TMEM135: variants seen among roughly 807,000 people sequenced by gnomAD.
The protein encoded by TMEM135 is transmembrane protein 135.
In TMEM135, 30 loss-of-function variants were observed where a neutral mutation model predicts 60.3. The observed-to-expected ratio is 0.50, with a 90% confidence interval of 0.37 to 0.68. The LOEUF is 0.68. Among genes scored for constraint, TMEM135 ranks in the 30% least tolerant of loss-of-function variants. The pLI is 0.00. For missense variants in TMEM135, 468 were observed against 548.8 expected (o/e 0.85, Z 1.47); for synonymous variants, 190 against 186.7 (o/e 1.02, Z -0.14).
intron 1 of TMEM135, among the ~76,000 whole-genome samples, chr11:87,055,449 CTA>C (rs1404271364): frequency 6.6e-6 from 1 of 152,084 alleles, no homozygotes; most frequent in Non-Finnish European, 1.5e-5. Context: ...CTAGTAAAAT[CTA>C]TGTTTTAAAT....
intron 14 of TMEM135, 134 bp downstream of exon 14, chr11:87,319,511 G>GT: frequency 3.0e-6 from 2 of 666,832 alleles, no homozygotes; most frequent in South Asian, 1.9e-5. Context: ...AACATGGGGC[G>GT]TTTTTTGAGT....
intron 5 of TMEM135, among the ~76,000 whole-genome samples, chr11:87,222,199 A>AAAAG (rs1283224001): frequency 5.6e-5 from 8 of 143,368 alleles, no homozygotes; most frequent in African/African-American, 2.1e-4. Flanking sequence ...AAAAAAAAAA[A>AAAAG]AAAAAATTAT....
chr11:87,309,787 C>T, intron 10 of TMEM135, 115 bp downstream of exon 10: 2 of 1,105,718 alleles, frequency 1.8e-6, no homozygotes, highest in East Asian at 2.5e-5. Context: ...AATATTCATA[C>T]ATATCTTGAC....
chr11:87,091,331 T>G, intron 3 of TMEM135, 31 bp from the exon 4 acceptor site: 1 of 1,596,984 alleles, frequency 6.3e-7, no homozygotes, highest in South Asian at 1.1e-5. Context: ...CAAATTGAAG[T>G]TTAATATCTT....
chr11:87,144,630 T>A (rs1315662652), intron 4 of TMEM135, among the ~76,000 whole-genome samples: 1 of 152,168 alleles, frequency 6.6e-6, no homozygotes, highest in Non-Finnish European at 1.5e-5. Context: ...GTATTACCTT[T>A]AATCTTCTAG....
intron 5 of TMEM135, among the ~76,000 whole-genome samples, chr11:87,223,186 A>G (rs1272124621): frequency 1.5e-5 from 2 of 137,484 alleles, no homozygotes; most frequent in African/African-American, 5.2e-5. Context: ...TTTTTCTGAG[A>G]TGGAGTCTCG....
At chr11:87,164,744 A>G (rs1938992134) in intron 5 of TMEM135, among the ~76,000 whole-genome samples, 1 of 52,386 alleles carries the variant, frequency 1.9e-5, no homozygotes, top group African/African-American at 1.2e-4. Flanking sequence ...CTCCTTGAAG[A>G]GGTCCTTCAC....
chr11:87,318,667 A>G lies in TMEM135; in HGVS notation c.1176+432A>G, dbSNP rs532749797. 1.2e-4 allele frequency among the ~76,000 whole-genome samples: 18 copies of G among 152,204 alleles called. No individual in the cohort carries two copies. The East Asian group carries it at 2.9e-3, about 24-fold the overall frequency. ...ACTAGTTTCATATAAGCATTGTTCAATCTCTGAATTCTGTAACCATTATTA... is the reference window on the plus strand; with the variant it reads ...ACTAGTTTCATATAAGCATTGTTCAGTCTCTGAATTCTGTAACCATTATTA... On this transcript the variant is annotated intron_variant, in intron 13 of 14. Transcript: ENST00000305494.
rs866441345 is a variant in TMEM135 at position 87,165,843 on chromosome 11, G to A, written c.462+8437G>A. 2.2e-4 allele frequency among the ~76,000 whole-genome samples: 28 copies of A among 129,046 alleles called. 2 individuals are homozygous for A. The highest frequency in any genetic ancestry group is 8.4e-4 in the African/African-American group (28 of 33,324). The allele number at this position is 129,046 out of a possible 152,430, so 84.7% of individuals were successfully genotyped here. On this transcript the variant is annotated intron_variant, in intron 5 of 14. Coordinates refer to ENST00000305494, the MANE Select transcript of TMEM135 (RefSeq NM_022918.4). Reference sequence around the variant, plus strand: ...GATCAATAAAATTGATAGACCGCTAGTAAGACTAATAAAGAAAAAAGAGAG... The same window carrying A: ...GATCAATAAAATTGATAGACCGCTAATAAGACTAATAAAGAAAAAAGAGAG...
chr11:87,261,059 T>C (rs1004210776), intron 6 of TMEM135, among the ~76,000 whole-genome samples: 2 of 152,180 alleles, frequency 1.3e-5, no homozygotes, highest in African/African-American at 4.8e-5. Context: ...AGAATTTAAT[T>C]CCACTGCTTC....
chr11:87,229,808 C>T (rs1241533680), intron 5 of TMEM135, among the ~76,000 whole-genome samples: 1 of 152,110 alleles, frequency 6.6e-6, no homozygotes, highest in African/African-American at 2.4e-5. Context: ...TGTACATACT[C>T]ATACAACATT....
chr11:87,098,701 T>A (rs979698748), intron 4 of TMEM135, among the ~76,000 whole-genome samples: 32 of 151,806 alleles, frequency 2.1e-4, no homozygotes, highest in African/African-American at 3.1e-4. Flanking sequence ...ATATATATAT[T>A]TTTTTGAGAT....
chr11:87,278,377 C>T (rs1469021404), intron 6 of TMEM135, among the ~76,000 whole-genome samples: 2 of 134,514 alleles, frequency 1.5e-5, no homozygotes, highest in African/African-American at 5.5e-5. Context: ...GGCAAATTTT[C>T]GTTCTTTTTT....
chr11:87,311,900 G>C (rs949710382), intron 10 of TMEM135, among the ~76,000 whole-genome samples: 4 of 151,680 alleles, frequency 2.6e-5, no homozygotes, highest in African/African-American at 9.7e-5. Context: ...TATTAATATA[G>C]CTACTTCAAC....
At chr11:87,204,475 T>G (rs1940191725) in intron 5 of TMEM135, among the ~76,000 whole-genome samples, 1 of 152,192 alleles carries the variant, frequency 6.6e-6, no homozygotes, top group African/African-American at 2.4e-5. Context: ...AATTTGAGAA[T>G]AATTTTTGAC....
intron 6 of TMEM135, among the ~76,000 whole-genome samples, chr11:87,271,427 A>G (rs1941860001): frequency 6.6e-6 from 1 of 152,232 alleles, no homozygotes; most frequent in Non-Finnish European, 1.5e-5. Flanking sequence ...TGATTATGTA[A>G]AACAGCATTG....
intron 3 of TMEM135, among the ~76,000 whole-genome samples, chr11:87,071,841 C>T (rs1184079240): frequency 6.6e-6 from 1 of 151,828 alleles, no homozygotes. Context: ...GCAGTAATAG[C>T]CTCTGTTTAC....
chr11:87,263,521 T>C (rs922069692), intron 6 of TMEM135, among the ~76,000 whole-genome samples: 1 of 152,170 alleles, frequency 6.6e-6, no homozygotes, highest in African/African-American at 2.4e-5. Context: ...TTGACATATG[T>C]CTTGATTCTT....
chr11:87,184,033 A>G (rs954889513), intron 5 of TMEM135, among the ~76,000 whole-genome samples: 66 of 151,908 alleles, frequency 4.3e-4, no homozygotes, highest in African/African-American at 1.5e-3. Flanking sequence ...CGTTCAGTGA[A>G]CATTTTCTAC....
Sources: allele counts gnomAD v4.1 joint callset (sites outside exome capture counted in the v4.1 genomes callset), GRCh38; gene constraint gnomAD v4.1.1; transcripts MANE v1.5; gene names NCBI Gene and HGNC (gene_info 2026-07-23, HGNC 2026-07-21).